The following RGS7 variants were observed in gnomAD, a reference collection of about 807,000 sequenced individuals.
RGS7 encodes regulator of G protein signaling 7.
RGS7 carries 27 observed loss-of-function variants against 81.1 expected under a neutral mutation model. That is an observed-to-expected ratio of 0.33 (90% CI 0.25 to 0.46). The LOEUF is 0.46. Among genes scored for constraint, RGS7 ranks in the 20% least tolerant of loss-of-function variants. The probability of loss-of-function intolerance (pLI) is 1.00; values close to 1 mark genes in which losing one functional copy is unlikely to be tolerated. For synonymous variants in RGS7, 208 were observed against 207.7 expected, an observed-to-expected ratio of 1.00 and a Z score of -0.01; for missense variants, 396 against 607.4, an observed-to-expected ratio of 0.65 and a Z score of 3.66.
intron 2 of RGS7, among the ~76,000 whole-genome samples, chr1:241,244,279 C>T (rs2076409674): frequency 6.6e-6 from 1 of 152,072 alleles, no homozygotes; most frequent in Admixed American, 6.6e-5. Context: ...CAAACAACCC[C>T]ACCAAAAAGT....
intron 4 of RGS7, among the ~76,000 whole-genome samples, chr1:240,948,691 C>A (rs1428521203): frequency 1.3e-5 from 2 of 152,010 alleles, no homozygotes; most frequent in Non-Finnish European, 1.5e-5. Flanking sequence ...GATCCGCCTG[C>A]CTCAGTCTCC....
intron 6 of RGS7, among the ~76,000 whole-genome samples, chr1:240,898,852 C>G (rs1180042156): frequency 2.0e-5 from 3 of 152,076 alleles, no homozygotes; most frequent in Admixed American, 6.5e-5. Flanking sequence ...AACTTTCTGT[C>G]TCGTTGATCT....
intron 6 of RGS7, among the ~76,000 whole-genome samples, chr1:240,876,196 T>C (rs1251966528): frequency 2.0e-5 from 3 of 152,154 alleles, no homozygotes; most frequent in Non-Finnish European, 2.9e-5. Context: ...GGCCTACAAG[T>C]CTGTGGCCTA....
chr1:241,113,795 C>T lies in RGS7; in HGVS notation c.79-15033G>A, dbSNP rs180713158. On this transcript the variant is annotated intron_variant, in intron 2 of 18. Transcript: ENST00000440928. ...ACATGTACTTTACAGCATAAGTTCCCCTTCCTTCTTTCTGTGCAAACTCTG... is the reference window on the plus strand; with the variant it reads ...ACATGTACTTTACAGCATAAGTTCCTCTTCCTTCTTTCTGTGCAAACTCTG... 5.3e-5 allele frequency among the ~76,000 whole-genome samples: 8 copies of T among 152,184 alleles called. No homozygotes were observed. In the East Asian group the frequency reaches 1.5e-3, roughly 29 times the overall value.
chr1:240,801,665 C>T (rs370516550), intron 16 of RGS7, among the ~76,000 whole-genome samples, 157 bp from the exon 17 acceptor site: 53 of 152,220 alleles, frequency 3.5e-4, no homozygotes, highest in African/African-American at 1.2e-3. Context: ...GTTGGAGAGC[C>T]GCCAAGGGAG....
intron 3 of RGS7, among the ~76,000 whole-genome samples, chr1:240,987,846 C>T (rs1685903244): frequency 1.3e-5 from 2 of 152,164 alleles, no homozygotes; most frequent in African/African-American, 2.4e-5. Flanking sequence ...TTCTTAGAAC[C>T]TCTCACTAAA....
chr1:240,943,584 A>T (rs1677969036), intron 4 of RGS7, among the ~76,000 whole-genome samples: 1 of 152,152 alleles, frequency 6.6e-6, no homozygotes, highest in Non-Finnish European at 1.5e-5. Context: ...AACACTTCCA[A>T]TTCAACTCTA....
At chr1:241,001,198 A>C (rs1688093061) in intron 3 of RGS7, among the ~76,000 whole-genome samples, 1 of 152,186 alleles carries the variant, frequency 6.6e-6, no homozygotes, top group African/African-American at 2.4e-5. Context: ...TGTGAAAGTG[A>C]ATAGTACAGG....
chr1:241,220,542 T>A (rs1051168884), intron 2 of RGS7, among the ~76,000 whole-genome samples: 3 of 152,234 alleles, frequency 2.0e-5, no homozygotes, highest in East Asian at 3.9e-4. Flanking sequence ...TCCTTTTTTT[T>A]AAGAAAGAAA....
chr1:240,880,443 T>A (rs1666175664), intron 6 of RGS7, among the ~76,000 whole-genome samples: 1 of 152,222 alleles, frequency 6.6e-6, no homozygotes, highest in African/African-American at 2.4e-5. Flanking sequence ...ATGCTATTAA[T>A]CTTGGGTTTC....
intron 2 of RGS7, chr1:241,305,734 G>A (rs1399932809): frequency 1.6e-5 from 3 of 186,276 alleles, no homozygotes; most frequent in Non-Finnish European, 3.4e-5. Flanking sequence ...ACAGCACACC[G>A]CTCTATGGGA....
At chr1:241,085,344 A>T (rs2148907488) in intron 3 of RGS7, among the ~76,000 whole-genome samples, 2 of 152,306 alleles carry the variant, frequency 1.3e-5, no homozygotes, top group South Asian at 4.2e-4. Flanking sequence ...GGATATTTCC[A>T]GAGATATTAC....
intron 11 of RGS7, among the ~76,000 whole-genome samples, chr1:240,815,687 G>C (rs1255458808): frequency 6.6e-6 from 1 of 152,118 alleles, no homozygotes; most frequent in East Asian, 1.9e-4. Flanking sequence ...GAGGAAAAGA[G>C]TCAAAATGAG....
intron 18 of RGS7, among the ~76,000 whole-genome samples, chr1:240,779,099 T>TTG (rs71172643): frequency 0.013 from 1,860 of 144,268 alleles, 20 homozygotes; most frequent in East Asian, 0.035. Context: ...TTAGTGTTCT[T>TTG]TGTGTGTGTG....
intron 2 of RGS7, among the ~76,000 whole-genome samples, chr1:241,220,975 AAGGAAGGAAGG>A (rs1558202910): frequency 8.6e-5 from 9 of 104,136 alleles, no homozygotes; most frequent in South Asian, 6.6e-4. Flanking sequence ...GGAAGGAAGG[AAGGAAGGAAGG>A]AAGGAAGGAA....
intron 3 of RGS7, among the ~76,000 whole-genome samples, chr1:240,995,968 C>T (rs1687222239): frequency 6.6e-6 from 1 of 151,566 alleles, no homozygotes; most frequent in Non-Finnish European, 1.5e-5. Context: ...TTCTCTCAGC[C>T]CTGCTTTAGC....
chr1:241,032,355 C>T (rs2060122352), intron 3 of RGS7, among the ~76,000 whole-genome samples: 1 of 152,100 alleles, frequency 6.6e-6, no homozygotes, highest in African/African-American at 2.4e-5. Context: ...TATACCAGTA[C>T]CGTGCTGTTT....
At chr1:241,148,684 G>T (rs114431500) in intron 2 of RGS7, among the ~76,000 whole-genome samples, 2,229 of 152,340 alleles carry the variant, frequency 0.015, 54 homozygotes, top group African/African-American at 0.052. Context: ...GCTGGTGGTT[G>T]CTAACCAGCT....
chr1:241,044,500 G>A (rs912351604), intron 3 of RGS7, among the ~76,000 whole-genome samples: 2 of 152,162 alleles, frequency 1.3e-5, no homozygotes, highest in Non-Finnish European at 2.9e-5. Context: ...ATAGCTCACT[G>A]TAACCTCAAA....
Sources: gnomAD v4.1 joint callset for allele counts (sites outside exome capture counted in the v4.1 genomes callset) on GRCh38, gnomAD v4.1.1 for gene constraint, MANE v1.5 for transcripts, NCBI Gene and HGNC (gene_info 2026-07-23, HGNC 2026-07-21) for gene names.